CLEC2D: variants seen among roughly 807,000 people sequenced by gnomAD.
CLEC2D encodes C-type lectin related f.
A neutral mutation model predicts 20.0 loss-of-function variants in CLEC2D; 16 were observed. The observed-to-expected ratio is 0.80, with a 90% CI of 0.54 to 1.22. CLEC2D has a LOEUF of 1.22. Among genes scored for constraint, CLEC2D ranks in the 50% most tolerant of loss-of-function variants. CLEC2D has a pLI of 0.00. For missense variants in CLEC2D, 207 were observed against 221.5 expected, an observed-to-expected ratio of 0.93 and a Z score of 0.42; for synonymous variants, 77 against 71.1, an observed-to-expected ratio of 1.08 and a Z score of -0.42.
intron 4 of CLEC2D, 192 bp downstream of exon 4, chr12:9,693,123 A>C (rs777426491): frequency 3.7e-6 from 6 of 1,601,646 alleles, no homozygotes; most frequent in Middle Eastern, 1.7e-4. Context: ...ATGGTGAGGT[A>C]GACTGACTGT....
At chr12:9,690,325 TTTTATTACCAG>T (rs1169237550) in intron 3 of CLEC2D, among the ~76,000 whole-genome samples, 1 of 152,066 alleles carries the variant, frequency 6.6e-6, no homozygotes, top group East Asian at 1.9e-4. Context: ...AATTAAGGGA[TTTTATTACCAG>T]TAGACATGTG....
At chr12:9,676,375 T>G (rs1865520418) in intron 1 of CLEC2D, among the ~76,000 whole-genome samples, 1 of 152,200 alleles carries the variant, frequency 6.6e-6, no homozygotes, top group African/African-American at 2.4e-5. Context: ...TTTTGTTTAC[T>G]GAAAGTTATC....
intron 1 of CLEC2D, among the ~76,000 whole-genome samples, chr12:9,676,078 G>T (rs921639123): frequency 2.6e-5 from 4 of 152,166 alleles, no homozygotes; most frequent in East Asian, 1.9e-4. Flanking sequence ...TATGTCATCT[G>T]CAGAGAAATA....
rs574097121 is a variant in CLEC2D at position 9,692,186 on chromosome 12, A to G, written c.358-642A>G. Among the ~76,000 whole-genome samples, 457 of 152,114 alleles carry G rather than the reference A, an allele frequency of 3.0e-3. 1 individual carries two copies. Among genetic ancestry groups the G allele is most frequent in the Non-Finnish European group, 5.5e-3 (375 of 67,998 alleles). ...AATCTCACTCTATTGCCCAGGCTGG[A>G]GTGCAGTGGCGTGATCTTGGCTCAC... On this transcript the variant is annotated intron_variant, in intron 3 of 4. Coordinates refer to ENST00000290855, the MANE Select transcript of CLEC2D (RefSeq NM_013269.6).
At chr12:9,677,707 C>CTTTTTTTTTTTTTTTTTTTTTTTT (rs36120151) in intron 1 of CLEC2D, among the ~76,000 whole-genome samples, 10 of 122,430 alleles carry the variant, frequency 8.2e-5, no homozygotes, top group South Asian at 7.4e-4. Context: ...TTCTTTCTTT[C>CTTTTTTTTTTTTTTTTTTTTTTTT]TTTTTTTTTT....
intron 2 of CLEC2D, 145 bp from the exon 3 acceptor site, chr12:9,687,757 G>A: frequency 2.2e-6 from 1 of 460,416 alleles, no homozygotes; most frequent in Non-Finnish European, 3.5e-6. Context: ...ATTATATTTA[G>A]CATCATATTT....
rs1866033252 is a variant in CLEC2D at position 9,697,817 on chromosome 12, T to TA, written c.*2944dup. On this transcript the variant is annotated 3_prime_UTR_variant, in exon 5 of 5. Transcript: ENST00000290855. ...AGGTCAAAAGATACAGAGTTGCAGT[T>TA]ACAAAGGGTGAGTATGTCTAGATAT... 6.6e-6 allele frequency: 1 copy of TA among 152,154 alleles called. No homozygotes were observed. Among genetic ancestry groups the TA allele is most frequent in the Non-Finnish European group, 1.5e-5 (1 of 68,008 alleles). The allele number at this position is 152,154 out of a possible 1,614,324, so 9.4% of individuals were successfully genotyped here. A position where few individuals can be genotyped will look rare whatever the true frequency, so the allele number is the denominator to read the frequency against.
chr12:9,678,350 TTTTAA>T (rs1865567104), intron 1 of CLEC2D, among the ~76,000 whole-genome samples: 1 of 152,186 alleles, frequency 6.6e-6, no homozygotes, highest in African/African-American at 2.4e-5. Context: ...ATCCATTTAC[TTTTAA>T]TTTGTGTGTC....
chr12:9,686,036 C>T (rs1294410573), intron 2 of CLEC2D, among the ~76,000 whole-genome samples: 1 of 152,022 alleles, frequency 6.6e-6, no homozygotes, highest in African/African-American at 2.4e-5. Context: ...GTGGGAAAAG[C>T]GTAGTATCTG....
chr12:9,692,422 T>G (rs12831453), intron 3 of CLEC2D, among the ~76,000 whole-genome samples: 1 of 152,068 alleles, frequency 6.6e-6, no homozygotes, highest in African/African-American at 2.4e-5. Flanking sequence ...TTACAGGTGC[T>G]TGGCCTGGTG....
Position 9,695,020 on chromosome 12 carries a change from A to G in CLEC2D, c.*146A>G. 1.7e-6 allele frequency: 1 copy of G among 602,232 alleles called. No homozygotes were observed. Among genetic ancestry groups the G allele is most frequent in the Non-Finnish European group, 3.0e-6 (1 of 337,664 alleles). 37.3% of individuals were successfully genotyped at this position (602,232 alleles called of 1,614,324 possible). On this transcript the variant is annotated 3_prime_UTR_variant, in exon 5 of 5. Coordinates refer to ENST00000290855, the MANE Select transcript of CLEC2D (RefSeq NM_013269.6). Reference sequence around the variant, plus strand: ...CTAATAACTGGGAAAATACAAATCAAAATCATAGTAAAATATTACCTGTTT... The same window carrying G: ...CTAATAACTGGGAAAATACAAATCAGAATCATAGTAAAATATTACCTGTTT...
At position 9,669,728 on chromosome 12, in the gene CLEC2D, A is replaced by G; in HGVS notation, c.-7A>G. The G allele has an allele frequency of 6.2e-7, 1 of 1,611,392 alleles. No individual in the cohort carries two copies. Among genetic ancestry groups the G allele is most frequent in the Non-Finnish European group, 8.5e-7 (1 of 1,177,582 alleles). On this transcript the variant is annotated 5_prime_UTR_variant, in exon 1 of 5. Coordinates refer to ENST00000290855, the MANE Select transcript of CLEC2D (RefSeq NM_013269.6). ...GGTTTAGATCACTCATAGAAACTGG[A>G]GGCAAAATGCATGACAGTAACAATG...
chr12:9,690,800 CAATT>C (rs888558472), intron 3 of CLEC2D, among the ~76,000 whole-genome samples: 1 of 151,532 alleles, frequency 6.6e-6, no homozygotes, highest in Non-Finnish European at 1.5e-5. Context: ...TATAAAAAAC[CAATT>C]AAATACAAAA....
In CLEC2D at chr12:9,697,422, A is replaced by G. The variant is rs1016690648; in HGVS notation, c.*2548A>G. 6.6e-6 allele frequency: 1 copy of G among 152,172 alleles called. No individual in the cohort carries two copies. Among genetic ancestry groups the G allele is most frequent in the Non-Finnish European group, 1.5e-5 (1 of 68,032 alleles). 9.4% of individuals were successfully genotyped at this position (152,172 alleles called of 1,614,324 possible). A position where few individuals can be genotyped will look rare whatever the true frequency, so the allele number is the denominator to read the frequency against. On this transcript the variant is annotated 3_prime_UTR_variant, in exon 5 of 5. Coordinates refer to ENST00000290855, the MANE Select transcript of CLEC2D (RefSeq NM_013269.6). ...GATACTTTTAGTTAATTTAATATCT[A>G]TAGAAACAATGCTAATGACTGGCTT... is the stretch of plus-strand genomic sequence containing the variant.
At chr12:9,688,330 A>G (rs11052426) in intron 3 of CLEC2D, among the ~76,000 whole-genome samples, 42,486 of 151,358 alleles carry the variant, frequency 0.28, 6,567 homozygotes, top group South Asian at 0.44. Context: ...GCCTTCTTTG[A>G]CTTGTGAGCC....
In CLEC2D at chr12:9,687,512, C is replaced by G. The variant is rs756804979; in HGVS notation, c.173-390C>G. 9.9e-4 allele frequency among the ~76,000 whole-genome samples: 151 copies of G among 152,308 alleles called. 7 individuals carry two copies. The highest frequency in any genetic ancestry group is 7.1e-4 in the Non-Finnish European group (48 of 68,026). ...CCATGGACCAGTACTGATCCATGGCCTAGGGGTTGGGGACCCCTAATCTAG... is the reference window on the plus strand; with the variant it reads ...CCATGGACCAGTACTGATCCATGGCGTAGGGGTTGGGGACCCCTAATCTAG... On this transcript the variant is annotated intron_variant, in intron 2 of 4. Transcript: ENST00000290855.
Position 9,696,197 on chromosome 12 carries a change from T to C in CLEC2D, c.*1323T>C. 3 of 860,400 alleles carry C rather than the reference T, an allele frequency of 3.5e-6. 1 individual carries two copies. The East Asian group carries it at 7.2e-5, about 21-fold the overall frequency. 53.3% of individuals were successfully genotyped at this position (860,400 alleles called of 1,614,324 possible). On this transcript the variant is annotated 3_prime_UTR_variant, in exon 5 of 5. Coordinates refer to ENST00000290855, the MANE Select transcript of CLEC2D (RefSeq NM_013269.6). ...TTCTGGATGACTGACCAAGAGGCTATTCAAGATCTCTGGCAGTGGAGGAAG... is the reference window on the plus strand; with the variant it reads ...TTCTGGATGACTGACCAAGAGGCTACTCAAGATCTCTGGCAGTGGAGGAAG...
chr12:9,671,797 G>A (rs1428739696), intron 1 of CLEC2D, among the ~76,000 whole-genome samples: 3 of 152,134 alleles, frequency 2.0e-5, no homozygotes, highest in Non-Finnish European at 4.4e-5. Flanking sequence ...ACTAGAGGAG[G>A]GAAATTTAAA....
intron 1 of CLEC2D, 150 bp from the exon 2 acceptor site, chr12:9,680,773 A>ACT (rs1235406140): frequency 2.0e-6 from 1 of 490,048 alleles, no homozygotes; most frequent in East Asian, 3.1e-5. Context: ...TTCTGGAGAT[A>ACT]GAATAGTAAG....
Sources: allele counts gnomAD v4.1 joint callset (sites outside exome capture counted in the v4.1 genomes callset), GRCh38; gene constraint gnomAD v4.1.1; transcripts MANE v1.5; gene names NCBI Gene and HGNC (gene_info 2026-07-23, HGNC 2026-07-21).